DLG4: variants seen among roughly 807,000 people sequenced by gnomAD.
DLG4 encodes the protein discs large MAGUK scaffold protein 4, also known as disks large homolog 4.
Under a neutral mutation model 93.8 loss-of-function variants are expected in DLG4, and 7 were observed. The ratio of observed to expected loss-of-function variants is 0.07; its 90% CI spans 0.04 to 0.14. The LOEUF (loss-of-function observed/expected upper bound fraction) is 0.14, where lower values mean the gene tolerates loss of function less well. Ranked by LOEUF, DLG4 falls within the 10% of genes least tolerant of loss-of-function variation. The pLI is 1.00. For missense variants in DLG4, 545 were observed against 992.9 expected, an observed-to-expected ratio of 0.55 and a Z score of 6.06; for synonymous variants, 341 against 387.6, an observed-to-expected ratio of 0.88 and a Z score of 1.41.
chr17:7,204,911 G>C (rs2142892789), intron 2 of DLG4: 3 of 976,434 alleles, frequency 3.1e-6, no homozygotes, highest in East Asian at 1.1e-4. Context: ...CCTAGCAACG[G>C]TATCTAGGAC....
rs186934068 is a variant in DLG4, at chr17:7,200,866, T to G, written c.787+2037A>C. On this transcript the variant is annotated intron_variant, in intron 8 of 19. Coordinates refer to ENST00000399506, the MANE Select transcript of DLG4 (RefSeq NM_001321075.3). Reference sequence around the variant, plus strand: ...GCCCAGCCTGTTTTGGTTTTTTTTTTTTTTTTTTTTTGAGATGGAGTCTCG... The same window carrying G: ...GCCCAGCCTGTTTTGGTTTTTTTTTGTTTTTTTTTTTGAGATGGAGTCTCG... Among the ~76,000 whole-genome samples, 652 of 142,790 alleles carry G rather than the reference T, an allele frequency of 4.6e-3. 2 individuals carry two copies. The highest frequency in any genetic ancestry group is 0.016 in the African/African-American group (629 of 38,398). 93.7% of individuals were successfully genotyped at this position (142,790 alleles called of 152,430 possible).
At chr17:7,218,852 C>T (rs1555527052), upstream of DLG4, 1 of 1,613,742 alleles carries the variant, frequency 6.2e-7, no homozygotes, top group East Asian at 2.2e-5. Flanking sequence ...TGGGACATCT[C>T]TCTCTTCTCT....
intron 1 of DLG4, among the ~76,000 whole-genome samples, chr17:7,210,427 A>G (rs750419723): frequency 6.6e-6 from 1 of 152,236 alleles, no homozygotes; most frequent in Non-Finnish European, 1.5e-5. Context: ...CTTGGAGAGA[A>G]TCCTGAACTC....
At chr17:7,213,423 T>C (rs531004508) in intron 1 of DLG4, among the ~76,000 whole-genome samples, 125 of 152,224 alleles carry the variant, frequency 8.2e-4, no homozygotes, top group South Asian at 4.1e-3. Context: ...TCTTTACCCC[T>C]GAGGTTCATA....
At position 7,208,070 on chromosome 17, in the gene DLG4, C is replaced by T; in HGVS notation, c.96+104G>A. ...ACTGGGGAGGGGGCCACCAGGGTCT[C>T]CTACCTTGAAGGGGGAGAGGTGGGC... On this transcript the variant is annotated intron_variant, in intron 2 of 19. Coordinates refer to ENST00000399506, the MANE Select transcript of DLG4 (RefSeq NM_001321075.3). This position sits in a 1 kb window ranked among gnomAD's most constrained non-coding sequence, Gnocchi z 5.4. 1 of 1,311,140 alleles carries T rather than the reference C, an allele frequency of 7.6e-7. No individual in the cohort carries two copies. The highest frequency in any genetic ancestry group is 9.8e-7 in the Non-Finnish European group (1 of 1,021,942). The allele number at this position is 1,311,140 out of a possible 1,614,324, so 81.2% of individuals were successfully genotyped here. A position where few individuals can be genotyped will look rare whatever the true frequency, so the allele number is the denominator to read the frequency against.
chr17:7,210,453 T>C (rs1255282417), intron 1 of DLG4, among the ~76,000 whole-genome samples: 1 of 152,168 alleles, frequency 6.6e-6, no homozygotes, highest in Admixed American at 6.5e-5. Flanking sequence ...TTCAATCCGA[T>C]GGGCACAAAA....
At chr17:7,215,690 A>C (rs1469917364) in intron 1 of DLG4, among the ~76,000 whole-genome samples, 1 of 152,168 alleles carries the variant, frequency 6.6e-6, no homozygotes, top group Non-Finnish European at 1.5e-5. Context: ...CTCCAGATCT[A>C]AAGGTCCTCA....
chr17:7,219,379 G>C (rs912470068), upstream of DLG4: 1 of 1,012,300 alleles, frequency 9.9e-7, no homozygotes, highest in African/African-American at 1.7e-5. Flanking sequence ...CTAAGGGAGG[G>C]GCAGTGAATC....
intron 2 of DLG4, chr17:7,204,887 T>C (rs1011127272): frequency 1.1e-6 from 1 of 948,978 alleles, no homozygotes; most frequent in Non-Finnish European, 1.3e-6. Flanking sequence ...CCCCTTCCTC[T>C]AAGGACCGTG....
chr17:7,189,244 C>A lies in DLG4; in HGVS notation c.*1464G>T, dbSNP rs1386823375. Among the ~76,000 whole-genome samples the A allele has an allele frequency of 6.6e-6, 1 of 151,884 alleles. No individual in the cohort carries two copies. Among genetic ancestry groups the A allele is most frequent in the Non-Finnish European group, 1.5e-5 (1 of 67,972 alleles). On this transcript the variant is annotated 3_prime_UTR_variant, in exon 20 of 20. Coordinates refer to ENST00000399506, the MANE Select transcript of DLG4 (RefSeq NM_001321075.3). ...CGGTGGCTCACGCCTGTAATCCCAG[C>A]ACTTTGGGAGGCTGAGGCGGGTGGA... is the stretch of plus-strand genomic sequence containing the variant.
At chr17:7,210,666 C>T (rs1012281893) in intron 1 of DLG4, among the ~76,000 whole-genome samples, 2 of 152,142 alleles carry the variant, frequency 1.3e-5, no homozygotes, top group Non-Finnish European at 2.9e-5. Flanking sequence ...TCTCCGCTAT[C>T]CACTCTTCCT....
Position 7,195,719 on chromosome 17 carries a change from G to C in DLG4, c.1301+501C>G, listed in dbSNP as rs572721953. On this transcript the variant is annotated intron_variant, in intron 11 of 19. Coordinates refer to ENST00000399506, the MANE Select transcript of DLG4 (RefSeq NM_001321075.3). This position sits in a 1 kb window ranked among gnomAD's most constrained non-coding sequence, Gnocchi z 4.3. Reference sequence around the variant, plus strand: ...GACAGAAGTGGAGGGGTGACCCCCGGGGGCGGGAGAGAGGTGTGTTTTGGC... The same window carrying C: ...GACAGAAGTGGAGGGGTGACCCCCGCGGGCGGGAGAGAGGTGTGTTTTGGC... 1.3e-5 allele frequency among the ~76,000 whole-genome samples: 2 copies of C among 152,244 alleles called. No individual in the cohort carries two copies. The highest frequency in any genetic ancestry group is 2.1e-4 in the South Asian group (1 of 4,818).
chr17:7,204,521 T>G, intron 2 of DLG4: 3 of 410,564 alleles, frequency 7.3e-6, no homozygotes, highest in Non-Finnish European at 8.7e-6. Context: ...GAAGGAGGTG[T>G]AGGAGAAGCG....
Position 7,194,373 on chromosome 17 carries a change from C to T in DLG4, c.1424G>A (p.Arg475Gln), listed in dbSNP as rs1388089243. 3 of 1,612,404 alleles carry T rather than the reference C, an allele frequency of 1.9e-6. No homozygotes were observed. The highest frequency in any genetic ancestry group is 1.1e-5 in the South Asian group (1 of 90,662). ...ASDEEWWQAR[R>Q]VHSDSETDDI... ...GTCGGTCTCACTGTCAGAGTGGACC[C>T]GCCGTGCCTGCCACCACTCCTCATC... Residue 475 changes from arginine to glutamine, a missense_variant, in exon 12 of 20, where the codon CGG becomes CAG. Coordinates refer to ENST00000399506, the MANE Select transcript of DLG4 (RefSeq NM_001321075.3). This position sits in a 1 kb window ranked among gnomAD's most constrained non-coding sequence, Gnocchi z 4.4.
chr17:7,191,206 G>T lies in DLG4; in HGVS notation c.2068+61C>A, dbSNP rs1259417322. ...GCCATCCACTGGGGGTGGCGGGGGA[G>T]CTCTTTCTAATCCGAGCAAGGGCAC... is the stretch of plus-strand genomic sequence containing the variant. On this transcript the variant is annotated intron_variant, in intron 19 of 19. Transcript: ENST00000399506. The surrounding 1 kb of genome is among the most constrained non-coding windows in gnomAD (Gnocchi z 6.6). The T allele has an allele frequency of 1.3e-6, 2 of 1,531,916 alleles. No homozygotes were observed. Among genetic ancestry groups the T allele is most frequent in the Non-Finnish European group, 1.8e-6 (2 of 1,108,380 alleles). The allele number at this position is 1,531,916 out of a possible 1,614,324, so 94.9% of individuals were successfully genotyped here.
chr17:7,214,026 T>C (rs979122267), intron 1 of DLG4: 1 of 350,644 alleles, frequency 2.9e-6, no homozygotes, highest in Non-Finnish European at 5.8e-6. Context: ...CCATCCCCCA[T>C]TTCCCTTTTC....
intron 8 of DLG4, 69 bp downstream of exon 8, chr17:7,202,834 C>T (rs1486740333): frequency 3.8e-6 from 6 of 1,585,074 alleles, no homozygotes; most frequent in African/African-American, 2.7e-5. Flanking sequence ...ACAGGGATGT[C>T]GTGGGACTGC....
At position 7,191,374 on chromosome 17, in the gene DLG4, G is replaced by C; in HGVS notation, c.1977-16C>G. 1 of 1,612,242 alleles carries C rather than the reference G, an allele frequency of 6.2e-7. No individual in the cohort carries two copies. Among genetic ancestry groups the C allele is most frequent in the Non-Finnish European group, 8.5e-7 (1 of 1,178,508 alleles). On this transcript the variant is annotated splice_polypyrimidine_tract_variant and intron_variant, in intron 18 of 19. Coordinates refer to ENST00000399506, the MANE Select transcript of DLG4 (RefSeq NM_001321075.3). The surrounding 1 kb of genome is among the most constrained non-coding windows in gnomAD (Gnocchi z 6.6). The stretch of plus-strand genomic sequence containing the variant: ...GTTAATCTCTCTGTGAAGAGGGAGG[G>C]AGAGCAGGCCTGAGACTGGACCCAC...
At chr17:7,198,383 T>C (rs1380990614) in intron 8 of DLG4, among the ~76,000 whole-genome samples, 6 of 150,754 alleles carry the variant, frequency 4.0e-5, no homozygotes, top group African/African-American at 1.5e-4. Flanking sequence ...CTCGGGAGGC[T>C]GAGGCAGGAG....
Sources: allele counts gnomAD v4.1 joint callset (sites outside exome capture counted in the v4.1 genomes callset), GRCh38; gene constraint gnomAD v4.1.1; non-coding constraint Gnocchi (gnomAD v3.1); transcripts MANE v1.5; gene names NCBI Gene and HGNC (gene_info 2026-07-23, HGNC 2026-07-21).